ARHGAP44: variants seen among roughly 807,000 people sequenced by gnomAD.
ARHGAP44 encodes the protein rho GTPase-activating protein 44.
A neutral mutation model predicts 106.8 loss-of-function variants in ARHGAP44; 43 were observed. The ratio of observed to expected loss-of-function variants is 0.40; its 90% CI spans 0.32 to 0.52. The LOEUF is 0.52. Among genes scored for constraint, ARHGAP44 ranks in the 20% least tolerant of loss-of-function variants. The pLI, the probability that ARHGAP44 is intolerant of heterozygous loss-of-function variation, is 0.48. For synonymous variants in ARHGAP44, 439 were observed against 410.3 expected (o/e 1.07, Z -0.85); for missense variants, 866 against 1,050.5 (o/e 0.82, Z 2.43).
At chr17:12,968,372 G>A (rs1011249201) in intron 16 of ARHGAP44, among the ~76,000 whole-genome samples, 3 of 152,192 alleles carry the variant, frequency 2.0e-5, no homozygotes, top group Non-Finnish European at 4.4e-5. Flanking sequence ...TCCCCAGGAC[G>A]TGGAAAACCC....
intron 1 of ARHGAP44, among the ~76,000 whole-genome samples, chr17:12,878,118 G>A (rs2036613914): frequency 6.6e-6 from 1 of 152,196 alleles, no homozygotes; most frequent in Admixed American, 6.5e-5. Flanking sequence ...CTAAAATTAA[G>A]CCATTTTATG....
chr17:12,960,158 G>C (rs1044801974), intron 16 of ARHGAP44, among the ~76,000 whole-genome samples: 2 of 152,138 alleles, frequency 1.3e-5, no homozygotes, highest in Non-Finnish European at 1.5e-5. Context: ...GGAGTTGTTT[G>C]TGTGCGCTAT....
intron 20 of ARHGAP44, among the ~76,000 whole-genome samples, chr17:12,989,100 CCAAAAAAAA>C (rs1405131049): frequency 0.035 from 1,134 of 32,016 alleles, 18 homozygotes; most frequent in African/African-American, 0.083. Context: ...TCCACCCCCC[CCAAAAAAAA>C]AAAAAAAAAA....
At chr17:12,978,073 G>A (rs1400708595) in intron 18 of ARHGAP44, among the ~76,000 whole-genome samples, 5 of 125,738 alleles carry the variant, frequency 4.0e-5, no homozygotes, top group Non-Finnish European at 8.3e-5. Context: ...TTCGTGGCAG[G>A]GAACAGAAGG....
chr17:12,945,011 A>T (rs866070221), intron 10 of ARHGAP44, among the ~76,000 whole-genome samples: 41 of 148,118 alleles, frequency 2.8e-4, no homozygotes, highest in African/African-American at 5.7e-4. Context: ...TCTATGAGAA[A>T]TTTTTTTTTT....
chr17:12,828,636 C>CTT (rs34860101), intron 1 of ARHGAP44, among the ~76,000 whole-genome samples: 17,802 of 92,976 alleles, frequency 0.19, 2,489 homozygotes, highest in African/African-American at 0.4. Flanking sequence ...TTTTTTCTTT[C>CTT]TTTTTTTTTT....
intron 1 of ARHGAP44, among the ~76,000 whole-genome samples, chr17:12,806,672 C>A (rs1016798054): frequency 7.9e-5 from 12 of 152,212 alleles, no homozygotes; most frequent in African/African-American, 2.9e-4. Flanking sequence ...TATTTTGGCT[C>A]TATCACTTGC....
At chr17:12,888,605 G>A (rs984446989) in intron 1 of ARHGAP44, among the ~76,000 whole-genome samples, 2 of 152,068 alleles carry the variant, frequency 1.3e-5, no homozygotes, top group African/African-American at 4.8e-5. Flanking sequence ...AGATCTTATT[G>A]GTTAATGGAG....
At chr17:12,931,982 C>T (rs1184031011) in intron 7 of ARHGAP44, among the ~76,000 whole-genome samples, 1 of 151,750 alleles carries the variant, frequency 6.6e-6, no homozygotes, top group East Asian at 1.9e-4. Context: ...TAAATATATA[C>T]TTATATGTAT....
At chr17:12,833,904 T>A (rs377427963) in intron 1 of ARHGAP44, among the ~76,000 whole-genome samples, 4 of 151,894 alleles carry the variant, frequency 2.6e-5, no homozygotes, top group African/African-American at 9.7e-5. Context: ...GGTTTTATCA[T>A]GCGGGTGAAA....
intron 16 of ARHGAP44, among the ~76,000 whole-genome samples, chr17:12,963,947 T>C (rs545779553): frequency 3.9e-5 from 6 of 152,354 alleles, no homozygotes; most frequent in Non-Finnish European, 5.9e-5. Context: ...CCACTCTGAA[T>C]GAAGAATTTG....
At chr17:12,862,716 C>T (rs72813159) in intron 1 of ARHGAP44, among the ~76,000 whole-genome samples, 1,902 of 152,250 alleles carry the variant, frequency 0.012, 12 homozygotes, top group Middle Eastern at 0.027. Context: ...TGATTGGGGC[C>T]AGGTGCAGTG....
chr17:12,843,259 C>T (rs1222324602), intron 1 of ARHGAP44, among the ~76,000 whole-genome samples: 1 of 152,132 alleles, frequency 6.6e-6, no homozygotes, highest in Non-Finnish European at 1.5e-5. Context: ...CTCTGTTTCT[C>T]CCCCCACCTC....
At chr17:12,815,577 G>A (rs182938009) in intron 1 of ARHGAP44, among the ~76,000 whole-genome samples, 1 of 152,238 alleles carries the variant, frequency 6.6e-6, no homozygotes, top group Admixed American at 6.5e-5. Flanking sequence ...CATTTTACAG[G>A]AGAGTATACC....
chr17:12,889,784 T>C (rs2036987941), intron 1 of ARHGAP44, among the ~76,000 whole-genome samples: 1 of 152,152 alleles, frequency 6.6e-6, no homozygotes, highest in Admixed American at 6.5e-5. Flanking sequence ...AGCTGTGAGA[T>C]TGTGAAATCG....
chr17:12,915,472 A>G (rs2037880244), intron 4 of ARHGAP44, among the ~76,000 whole-genome samples: 1 of 152,202 alleles, frequency 6.6e-6, no homozygotes, highest in African/African-American at 2.4e-5. Flanking sequence ...CTATATATCC[A>G]TGTACTAATT....
chr17:12,885,718 C>T (rs1250929917), intron 1 of ARHGAP44, among the ~76,000 whole-genome samples: 1 of 151,680 alleles, frequency 6.6e-6, no homozygotes, highest in Non-Finnish European at 1.5e-5. Context: ...GATTTTTTTT[C>T]TTATTGTTAA....
intron 1 of ARHGAP44, 135 bp from the exon 2 acceptor site, chr17:12,894,805 C>A: frequency 2.6e-6 from 2 of 756,790 alleles, no homozygotes; most frequent in Non-Finnish European, 4.2e-6. Flanking sequence ...CTAGTTTTCT[C>A]TATTCTCTTA....
chr17:12,841,637 C>CACACACAA (rs1555546100), intron 1 of ARHGAP44, among the ~76,000 whole-genome samples: 30 of 101,696 alleles, frequency 2.9e-4, no homozygotes, highest in South Asian at 1.8e-3. Flanking sequence ...CACACACACA[C>CACACACAA]ACAAACAAAC....
Sources: gnomAD v4.1 joint callset for allele counts (sites outside exome capture counted in the v4.1 genomes callset) on GRCh38, gnomAD v4.1.1 for gene constraint, MANE v1.5 for transcripts, NCBI Gene and HGNC (gene_info 2026-07-23, HGNC 2026-07-21) for gene names.